The following NET1 variants were observed in gnomAD, a reference collection of about 807,000 sequenced individuals.
The protein encoded by NET1 is neuroepithelial cell-transforming gene 1 protein.
A neutral mutation model predicts 61.1 loss-of-function variants in NET1; 42 were observed. That is an observed-to-expected ratio of 0.69 (90% CI 0.54 to 0.89). The LOEUF is 0.89. Ranked by LOEUF, NET1 falls within the 40% of genes least tolerant of loss-of-function variation. The pLI is 0.00. For missense variants in NET1, 654 were observed against 747.3 expected (o/e 0.88, Z 1.46); for synonymous variants, 254 against 281.8 (o/e 0.90, Z 0.99).
rs1832768265 is a variant in NET1 at position 5,454,651 on chromosome 10, G to A, written c.1026+129G>A. The A allele has an allele frequency of 2.8e-6, 3 of 1,075,244 alleles. No individual in the cohort carries two copies. Among genetic ancestry groups the A allele is most frequent in the Non-Finnish European group, 4.0e-6 (3 of 753,006 alleles). The allele number at this position is 1,075,244 out of a possible 1,614,324, so 66.6% of individuals were successfully genotyped here. A position where few individuals can be genotyped will look rare whatever the true frequency, so the allele number is the denominator to read the frequency against. Reference sequence around the variant, plus strand: ...TGTTTTGTTGTTTTAAGTACCCAGTGCGTTAGTACGCTGTGCACTAAGCAA... The same window carrying A: ...TGTTTTGTTGTTTTAAGTACCCAGTACGTTAGTACGCTGTGCACTAAGCAA... On this transcript the variant is annotated intron_variant, in intron 9 of 11. Transcript: ENST00000355029. This position sits in a 1 kb window ranked among gnomAD's most constrained non-coding sequence, Gnocchi z 8.1.
rs1360368761 is a variant in NET1, at chr10:5,453,818, T to C, written c.768+258T>C. ...ATAGAATTCCCACATCATGTGTGAT[T>C]ATCCGTTGCATTCTGTCATGTATGT... On this transcript the variant is annotated intron_variant, in intron 8 of 11. Coordinates refer to ENST00000355029, the MANE Select transcript of NET1 (RefSeq NM_001047160.3). This position sits in a 1 kb window ranked among gnomAD's most constrained non-coding sequence, Gnocchi z 4.9. Among the ~76,000 whole-genome samples the C allele has an allele frequency of 6.6e-6, 1 of 152,178 alleles. No individual in the cohort carries two copies. Among genetic ancestry groups the C allele is most frequent in the African/African-American group, 2.4e-5 (1 of 41,436 alleles).
rs1330323342 is a variant in NET1 at position 5,452,808 on chromosome 10, A to G, written c.532-50A>G. ...ATAATGTAATTATCAGTTGTATATA[A>G]TTTTCCTTTCTCGAAGGAATGACCT... On this transcript the variant is annotated intron_variant, in intron 5 of 11. Transcript: ENST00000355029. The surrounding 1 kb of genome is among the most constrained non-coding windows in gnomAD (Gnocchi z 4.0). 6.6e-7 allele frequency: 1 copy of G among 1,519,314 alleles called. No homozygotes were observed. Among genetic ancestry groups the G allele is most frequent in the South Asian group, 1.2e-5 (1 of 84,448 alleles). The allele number at this position is 1,519,314 out of a possible 1,614,324, so 94.1% of individuals were successfully genotyped here.
rs995842648 is a variant in NET1 at position 5,439,869 on chromosome 10, C to G, written c.255+10640C>G. The stretch of plus-strand genomic sequence containing the variant: ...CCTGGAGGACCTGCTACAGAGACCT[C>G]TGTTGCTCTGGGACCTACTCAAAAC... On this transcript the variant is annotated intron_variant, in intron 3 of 11. Transcript: ENST00000355029. This position sits in a 1 kb window ranked among gnomAD's most constrained non-coding sequence, Gnocchi z 4.8. Among the ~76,000 whole-genome samples, 3 of 152,204 alleles carry G rather than the reference C, an allele frequency of 2.0e-5. No homozygotes were observed. Among genetic ancestry groups the G allele is most frequent in the African/African-American group, 7.2e-5 (3 of 41,460 alleles).
intron 3 of NET1, among the ~76,000 whole-genome samples, chr10:5,433,878 T>C (rs893484844): frequency 5.9e-5 from 9 of 151,804 alleles, no homozygotes; most frequent in African/African-American, 2.2e-4. Context: ...ATCCTCCTTT[T>C]TTCCCTAATG....
rs142877919 is a variant in NET1, at chr10:5,417,500, T to A, written c.128+4680T>A. 3.2e-3 allele frequency among the ~76,000 whole-genome samples: 487 copies of A among 152,348 alleles called. 5 individuals carry two copies. Among genetic ancestry groups the A allele is most frequent in the Non-Finnish European group, 4.6e-3 (315 of 68,026 alleles). On this transcript the variant is annotated intron_variant, in intron 1 of 11. Transcript: ENST00000355029. This position sits in a 1 kb window ranked among gnomAD's most constrained non-coding sequence, Gnocchi z 5.5. ...ATAATTTCAATTGTATAGGAATACA[T>A]ACAATTGATTTTTGTATATCGATCT...
intron 3 of NET1, among the ~76,000 whole-genome samples, chr10:5,438,146 A>G (rs1242823986): frequency 1.3e-5 from 2 of 152,224 alleles, no homozygotes; most frequent in African/African-American, 4.8e-5. Context: ...ATTAGAAAGT[A>G]AGAAATATCT....
Position 5,454,521 on chromosome 10 carries a change from C to T in NET1, c.1025C>T (p.Ala342Val). Residue 342 changes from alanine (A) to valine (V), a missense_variant and splice_region_variant, in exon 9 of 12, where the codon GCT (alanine) becomes GTT (valine). Coordinates refer to ENST00000355029, the MANE Select transcript of NET1 (RefSeq NM_001047160.3). The surrounding 1 kb of genome is among the most constrained non-coding windows in gnomAD (Gnocchi z 8.1). ...EHPDVQLLED[A>V]ILIIQGVLSD... ...CCTGATGTTCAGCTTCTGGAGGATG[C>T]TGTAAGTAGTCCCTTAAGTGATTGT... 2 of 1,612,532 alleles carry T rather than the reference C, an allele frequency of 1.2e-6. No homozygotes were observed. The highest frequency in any genetic ancestry group is 1.7e-6 in the Non-Finnish European group (2 of 1,179,538).
At chr10:5,429,339 TTTTTTGC>T (rs2119178573) in intron 3 of NET1, 110 bp downstream of exon 3, 1 of 804,256 alleles carries the variant, frequency 1.2e-6, no homozygotes, top group East Asian at 2.6e-5. Context: ...TGTTTTTTTG[TTTTTTGC>T]ATTTTGTAAG....
In NET1 at chr10:5,436,210, G is replaced by GCA. The variant is rs1439750851; in HGVS notation, c.255+6981_255+6982insCA. 4.5e-3 allele frequency among the ~76,000 whole-genome samples: 401 copies of GCA among 88,380 alleles called. 1 individual carries two copies. The highest frequency in any genetic ancestry group is 8.3e-3 in the African/African-American group (178 of 21,482). 58.0% of individuals were successfully genotyped at this position (88,380 alleles called of 152,430 possible). Reference sequence around the variant, plus strand: ...GTTGTGTGTGTGTGTGTGTGTGTGTGTGTGTGTGTGTGTGCATATATATAT... The same window carrying GCA: ...GTTGTGTGTGTGTGTGTGTGTGTGTGCATGTGTGTGTGTGTGCATATATATAT... On this transcript the variant is annotated intron_variant, in intron 3 of 11. Coordinates refer to ENST00000355029, the MANE Select transcript of NET1 (RefSeq NM_001047160.3).
rs1832725343 is a variant in NET1 at position 5,452,618 on chromosome 10, A to G, written c.531+93A>G. The G allele has an allele frequency of 3.1e-6, 4 of 1,311,392 alleles. No individual in the cohort carries two copies. Among genetic ancestry groups the G allele is most frequent in the Non-Finnish European group, 4.2e-6 (4 of 945,274 alleles). The allele number at this position is 1,311,392 out of a possible 1,614,324, so 81.2% of individuals were successfully genotyped here. On this transcript the variant is annotated intron_variant, in intron 5 of 11. Transcript: ENST00000355029. This position sits in a 1 kb window ranked among gnomAD's most constrained non-coding sequence, Gnocchi z 4.0. ...CTTGGATTTTTGTGTTTGAGCAACA[A>G]TTCCTAATACATGGTGAACAAAACC...
At position 5,456,108 on chromosome 10, in the gene NET1, C is replaced by G; in HGVS notation, c.1219C>G (p.Gln407Glu). The G allele has an allele frequency of 6.2e-7, 1 of 1,612,044 alleles. No homozygotes were observed. The highest frequency in any genetic ancestry group is 8.5e-7 in the Non-Finnish European group (1 of 1,179,400). Residue 407 changes from glutamine (Q) to glutamate (E), a missense_variant, in exon 11 of 12, where the codon CAA becomes GAA. Coordinates refer to ENST00000355029, the MANE Select transcript of NET1 (RefSeq NM_001047160.3). The surrounding 1 kb of genome is among the most constrained non-coding windows in gnomAD (Gnocchi z 7.0). ...CCAGAAACTTTACATTTTCCTGTTTCAAGACATCTTGGTTCTGACTCGGCC... is the reference window on the plus strand; with the variant it reads ...CCAGAAACTTTACATTTTCCTGTTTGAAGACATCTTGGTTCTGACTCGGCC... ...SGHKLYIFLF[Q>E]DILVLTRPVT...
In NET1 at chr10:5,414,311, C is replaced by T. The variant is rs541311357; in HGVS notation, c.128+1491C>T. Among the ~76,000 whole-genome samples, 9 of 152,264 alleles carry T rather than the reference C, an allele frequency of 5.9e-5. No individual in the cohort carries two copies. The East Asian group carries it at 1.5e-3, about 26-fold the overall frequency. The stretch of plus-strand genomic sequence containing the variant: ...ATGGTAATGGGGAAATACTGAAAGA[C>T]TTTAAATGAGCCAATGGCATGACAT... On this transcript the variant is annotated intron_variant, in intron 1 of 11. Transcript: ENST00000355029.
Position 5,447,108 on chromosome 10 carries a change from T to G in NET1, c.256-4722T>G, listed in dbSNP as rs1356451600. Among the ~76,000 whole-genome samples the G allele has an allele frequency of 6.6e-6, 1 of 152,244 alleles. No individual in the cohort carries two copies. The highest frequency in any genetic ancestry group is 1.5e-5 in the Non-Finnish European group (1 of 68,044). On this transcript the variant is annotated intron_variant, in intron 3 of 11. Coordinates refer to ENST00000355029, the MANE Select transcript of NET1 (RefSeq NM_001047160.3). This position sits in a 1 kb window ranked among gnomAD's most constrained non-coding sequence, Gnocchi z 4.1. ...AAGGAAAAGATTTTAAATGTATATG[T>G]TACTCGGGTTACGTTTGTCACATTT...
rs766910511 is a variant in NET1, at chr10:5,429,214, C to G, written c.240C>G (p.Ser80Arg). ...REKDDDVVSL[S>R]SLDLKEPSNK... Reference sequence around the variant, plus strand: ...AAGATGATGATGTTGTAAGCCTTAGCAGCCTTGATCTGAAGGTAAGCCCTG... The same window carrying G: ...AAGATGATGATGTTGTAAGCCTTAGGAGCCTTGATCTGAAGGTAAGCCCTG... The change falls in exon 3 of 12, where the codon AGC becomes AGG. Residue 80 changes from serine (S) to arginine (R), a missense_variant. Physicochemically the swap from Ser to Arg is moderately radical, Grantham distance 110 (BLOSUM62 -1). Coordinates refer to ENST00000355029, the MANE Select transcript of NET1 (RefSeq NM_001047160.3). The G allele has an allele frequency of 6.2e-7, 1 of 1,608,092 alleles. No individual in the cohort carries two copies. The highest frequency in any genetic ancestry group is 8.5e-7 in the Non-Finnish European group (1 of 1,176,684).
rs1361148603 is a variant in NET1, at chr10:5,416,761, T to C, written c.128+3941T>C. Among the ~76,000 whole-genome samples the C allele has an allele frequency of 6.6e-6, 1 of 152,152 alleles. No individual in the cohort carries two copies. Among genetic ancestry groups the C allele is most frequent in the Non-Finnish European group, 1.5e-5 (1 of 68,038 alleles). On this transcript the variant is annotated intron_variant, in intron 1 of 11. Coordinates refer to ENST00000355029, the MANE Select transcript of NET1 (RefSeq NM_001047160.3). The surrounding 1 kb of genome is among the most constrained non-coding windows in gnomAD (Gnocchi z 6.1). ...TCTTCGGTGCCCTGCTGTTCAAACC[T>C]CTAGGGGAACATATAGATAGGCAGG...
In NET1 at chr10:5,412,590, C is replaced by T. The variant is rs1832011457; in HGVS notation, c.-103C>T. ...GGATGACGGCGGTGGCGGCTGCAGT[C>T]CGCTGACAGGCGCTTTCTGCCTGGC... On this transcript the variant is annotated 5_prime_UTR_variant, in exon 1 of 12. Coordinates refer to ENST00000355029, the MANE Select transcript of NET1 (RefSeq NM_001047160.3). This position sits in a 1 kb window ranked among gnomAD's most constrained non-coding sequence, Gnocchi z 6.5. 1 of 1,286,658 alleles carries T rather than the reference C, an allele frequency of 7.8e-7. No individual in the cohort carries two copies. Among genetic ancestry groups the T allele is most frequent in the Admixed American group, 3.9e-5 (1 of 25,348 alleles). The allele number at this position is 1,286,658 out of a possible 1,614,324, so 79.7% of individuals were successfully genotyped here.
At chr10:5,414,875 G>A (rs927048263) in intron 1 of NET1, among the ~76,000 whole-genome samples, 1 of 152,188 alleles carries the variant, frequency 6.6e-6, no homozygotes, top group African/African-American at 2.4e-5. Flanking sequence ...TTGTGAGCAG[G>A]AATTTGAGGA....
chr10:5,456,175 A>C lies in NET1; in HGVS notation c.1286A>C (p.Gln429Pro). The C allele has an allele frequency of 1.9e-6, 3 of 1,614,192 alleles. No individual in the cohort carries two copies. The highest frequency in any genetic ancestry group is 2.5e-6 in the Non-Finnish European group (3 of 1,180,038). Residue 429 changes from glutamine (Q) to proline (P), a missense_variant, in exon 11 of 12, where the codon CAG becomes CCG. Gln to Pro is a moderately conservative substitution (Grantham distance 76, BLOSUM62 -1). Coordinates refer to ENST00000355029, the MANE Select transcript of NET1 (RefSeq NM_001047160.3). The surrounding 1 kb of genome is among the most constrained non-coding windows in gnomAD (Gnocchi z 7.0). ...CGGCACTCTTACCAGGTTTACCGGC[A>C]GCCAATCCCAGTCCAAGAGCTAGTC... ...NERHSYQVYR[Q>P]PIPVQELVLE...
In NET1 at chr10:5,443,625, A is replaced by C. The variant is rs1025478417; in HGVS notation, c.256-8205A>C. ...ATCATTCCTTTTTTAGATGCTGTCT[A>C]CATTTAGACCCCAAACCTGCACATT... On this transcript the variant is annotated intron_variant, in intron 3 of 11. Coordinates refer to ENST00000355029, the MANE Select transcript of NET1 (RefSeq NM_001047160.3). The surrounding 1 kb of genome is among the most constrained non-coding windows in gnomAD (Gnocchi z 4.8). Among the ~76,000 whole-genome samples, 9 of 152,214 alleles carry C rather than the reference A, an allele frequency of 5.9e-5. No homozygotes were observed. Among genetic ancestry groups the C allele is most frequent in the Admixed American group, 5.2e-4 (8 of 15,278 alleles).
Sources: allele counts gnomAD v4.1 joint callset (sites outside exome capture counted in the v4.1 genomes callset), GRCh38; gene constraint gnomAD v4.1.1; non-coding constraint Gnocchi (gnomAD v3.1); transcripts MANE v1.5; gene names NCBI Gene and HGNC (gene_info 2026-07-23, HGNC 2026-07-21).